Variants in LPAR1 observed in about 807,000 individuals in gnomAD.
LPAR1 encodes lysophosphatidic acid receptor 1.
In LPAR1, 5 loss-of-function variants were observed where a neutral mutation model predicts 23.8. The ratio of observed to expected loss-of-function variants is 0.21; its 90% CI spans 0.11 to 0.44. LPAR1 has a LOEUF of 0.44. LPAR1 is among the 20% of genes least tolerant of loss of function. The pLI, the probability that LPAR1 is intolerant of heterozygous loss-of-function variation, is 0.99. For missense variants in LPAR1, 311 were observed against 482.8 expected, an observed-to-expected ratio of 0.64 and a Z score of 3.33; for synonymous variants, 160 against 164.7, an observed-to-expected ratio of 0.97 and a Z score of 0.22.
intron 5 of LPAR1, among the ~76,000 whole-genome samples, chr9:110,940,151 G>T (rs1277080799): frequency 6.6e-6 from 1 of 152,212 alleles, no homozygotes; most frequent in Admixed American, 6.5e-5. Context: ...AGGGTTTTAG[G>T]TGTGTCAGTG....
At chr9:111,022,581 T>C (rs1457850237) in intron 2 of LPAR1, among the ~76,000 whole-genome samples, 2 of 152,220 alleles carry the variant, frequency 1.3e-5, no homozygotes, top group African/African-American at 4.8e-5. Flanking sequence ...CACCCAACCA[T>C]CTGATCTTCA....
At chr9:111,002,655 G>A (rs965273658) in intron 2 of LPAR1, among the ~76,000 whole-genome samples, 1 of 152,162 alleles carries the variant, frequency 6.6e-6, no homozygotes, top group Non-Finnish European at 1.5e-5. Context: ...GAATAGGTAG[G>A]TATTCTCTTA....
chr9:110,975,045 G>A (rs1265743929), intron 2 of LPAR1, among the ~76,000 whole-genome samples: 1 of 151,186 alleles, frequency 6.6e-6, no homozygotes, highest in Non-Finnish European at 1.5e-5. Flanking sequence ...CTTGCTCTAT[G>A]TGACATAAAT....
At chr9:110,961,955 A>T (rs1588560407) in intron 4 of LPAR1, among the ~76,000 whole-genome samples, 1 of 152,346 alleles carries the variant, frequency 6.6e-6, no homozygotes, top group Middle Eastern at 3.4e-3. Flanking sequence ...CATATCATGT[A>T]TATTTGTGAT....
intron 4 of LPAR1, among the ~76,000 whole-genome samples, chr9:110,944,713 T>C (rs1420300764): frequency 1.3e-5 from 2 of 152,026 alleles, no homozygotes; most frequent in African/African-American, 4.8e-5. Context: ...CAAAGATGAG[T>C]AAAACTGACA....
chr9:110,879,754 A>G (rs934066231), intron 5 of LPAR1, among the ~76,000 whole-genome samples: 3 of 152,232 alleles, frequency 2.0e-5, no homozygotes. Context: ...CAAATTCCAG[A>G]AGAGAGATAA....
At chr9:111,001,196 T>C (rs1046711618) in intron 2 of LPAR1, among the ~76,000 whole-genome samples, 1 of 152,122 alleles carries the variant, frequency 6.6e-6, no homozygotes, top group Admixed American at 6.6e-5. Flanking sequence ...ATAAATAACA[T>C]GTAAGGAGTG....
intron 5 of LPAR1, among the ~76,000 whole-genome samples, chr9:110,892,952 A>G (rs897952071): frequency 3.3e-5 from 5 of 152,110 alleles, no homozygotes; most frequent in Non-Finnish European, 7.3e-5. Flanking sequence ...TTGTCCAGCA[A>G]TATCTGTGGC....
At chr9:110,953,389 C>A (rs975528195) in intron 4 of LPAR1, among the ~76,000 whole-genome samples, 7 of 152,164 alleles carry the variant, frequency 4.6e-5, no homozygotes, top group Middle Eastern at 3.2e-3. Context: ...ATAGTCCGGG[C>A]GTAGTGGCTC....
At chr9:110,918,097 T>TG (rs1021127321) in intron 5 of LPAR1, among the ~76,000 whole-genome samples, 1 of 152,104 alleles carries the variant, frequency 6.6e-6, no homozygotes, top group African/African-American at 2.4e-5. Context: ...TTTGTTTGTT[T>TG]TTTTGTAGAG....
At chr9:110,901,281 TACG>T (rs1295378754) in intron 5 of LPAR1, among the ~76,000 whole-genome samples, 10 of 152,190 alleles carry the variant, frequency 6.6e-5, no homozygotes, top group African/African-American at 2.2e-4. Flanking sequence ...ACGTTCCCAC[TACG>T]ACAAGAGTAG....
intron 2 of LPAR1, among the ~76,000 whole-genome samples, chr9:110,977,510 G>T (rs2096576726): frequency 6.6e-6 from 1 of 152,146 alleles, no homozygotes; most frequent in South Asian, 2.1e-4. Flanking sequence ...AGCTGATGCT[G>T]GCTCTTTTCC....
intron 2 of LPAR1, among the ~76,000 whole-genome samples, chr9:111,026,726 T>G (rs2097698888): frequency 6.6e-6 from 1 of 152,226 alleles, no homozygotes; most frequent in African/African-American, 2.4e-5. Flanking sequence ...ATTGAGTGTT[T>G]TTAGCATGAA....
At chr9:110,918,921 T>A (rs1409163960) in intron 5 of LPAR1, among the ~76,000 whole-genome samples, 1 of 151,948 alleles carries the variant, frequency 6.6e-6, no homozygotes, top group African/African-American at 2.4e-5. Flanking sequence ...AAATGGTACA[T>A]CTATGGTGGA....
Position 110,875,270 on chromosome 9 carries a change from G to T in LPAR1, c.*151C>A. 1 of 614,588 alleles carries T rather than the reference G, an allele frequency of 1.6e-6. No individual in the cohort carries two copies. The highest frequency in any genetic ancestry group is 2.8e-6 in the Non-Finnish European group (1 of 356,766). 38.1% of individuals were successfully genotyped at this position (614,588 alleles called of 1,614,324 possible). On this transcript the variant is annotated 3_prime_UTR_variant, in exon 6 of 6. Transcript: ENST00000683809. ...TTCAATATATATCAAGTCTTGTGGG[G>T]TCCAGGAACAAATACTGTCATTGGT... is the stretch of plus-strand genomic sequence containing the variant.
chr9:110,887,724 T>TA (rs2082793838), intron 5 of LPAR1, among the ~76,000 whole-genome samples: 1 of 152,018 alleles, frequency 6.6e-6, no homozygotes, highest in Non-Finnish European at 1.5e-5. Flanking sequence ...AAGTGTAGAG[T>TA]AAAAAAGCTA....
At chr9:110,938,831 G>A (rs1415801945) in intron 5 of LPAR1, among the ~76,000 whole-genome samples, 1 of 152,094 alleles carries the variant, frequency 6.6e-6, no homozygotes, top group Admixed American at 6.5e-5. Flanking sequence ...CCAAGATCAT[G>A]CCACTGCACT....
chr9:111,024,726 G>C (rs2097653291), intron 2 of LPAR1, among the ~76,000 whole-genome samples: 1 of 151,188 alleles, frequency 6.6e-6, no homozygotes, highest in Admixed American at 6.6e-5. Flanking sequence ...ACAGGTCCCA[G>C]TGGGTGATGT....
At chr9:110,897,447 T>C (rs2086817644) in intron 5 of LPAR1, among the ~76,000 whole-genome samples, 1 of 152,180 alleles carries the variant, frequency 6.6e-6, no homozygotes, top group African/African-American at 2.4e-5. Flanking sequence ...AATTGCTCAG[T>C]CTCGGGTATG....
Sources: gnomAD v4.1 joint callset for allele counts (sites outside exome capture counted in the v4.1 genomes callset) on GRCh38, gnomAD v4.1.1 for gene constraint, MANE v1.5 for transcripts, NCBI Gene and HGNC (gene_info 2026-07-23, HGNC 2026-07-21) for gene names.